TBL1XR1: variants seen among roughly 807,000 people sequenced by gnomAD.
TBL1XR1 encodes the protein F-box-like/WD repeat-containing protein TBL1XR1.
Under a neutral mutation model 66.9 loss-of-function variants are expected in TBL1XR1, and 5 were observed. The ratio of observed to expected loss-of-function variants is 0.07; its 90% CI spans 0.04 to 0.16. The LOEUF is 0.16. TBL1XR1 is among the 10% of genes least tolerant of loss of function. TBL1XR1 has a pLI of 1.00. For missense variants in TBL1XR1, 238 were observed against 623.2 expected (o/e 0.38, Z 6.58); for synonymous variants, 210 against 206.0 (o/e 1.02, Z -0.17).
At position 177,023,782 on chromosome 3, in the gene TBL1XR1, T is replaced by C. The variant is rs1437172739; in HGVS notation, c.*1716A>G. The stretch of plus-strand genomic sequence containing the variant: ...ATCAGTTTCTACTTAGAACACAGGT[T>C]AAAATTTTAGTACTAAAAGGCCTCA... On this transcript the variant is annotated 3_prime_UTR_variant, in exon 16 of 16. Coordinates refer to ENST00000457928, the MANE Select transcript of TBL1XR1 (RefSeq NM_024665.7). 4 of 152,468 alleles carry C rather than the reference T, an allele frequency of 2.6e-5. No homozygotes were observed. Among genetic ancestry groups the C allele is most frequent in the Admixed American group, 2.6e-4 (4 of 15,262 alleles). 9.4% of individuals were successfully genotyped at this position (152,468 alleles called of 1,614,324 possible). A position where few individuals can be genotyped will look rare whatever the true frequency, so the allele number is the denominator to read the frequency against.
chr3:177,048,506 G>A (rs145481201), intron 7 of TBL1XR1, among the ~76,000 whole-genome samples: 15 of 152,288 alleles, frequency 9.8e-5, no homozygotes, highest in African/African-American at 3.6e-4. Context: ...GGGAACTGCA[G>A]ACTCAATTCT....
intron 1 of TBL1XR1, among the ~76,000 whole-genome samples, chr3:177,135,301 C>T (rs1190353772): frequency 3.3e-5 from 2 of 60,546 alleles, no homozygotes; most frequent in Non-Finnish European, 6.9e-5. Context: ...CGCACAAGGC[C>T]GCACTCTGTG....
intron 1 of TBL1XR1, among the ~76,000 whole-genome samples, chr3:177,120,990 A>G (rs1726918300): frequency 6.6e-6 from 1 of 152,218 alleles, no homozygotes; most frequent in Non-Finnish European, 1.5e-5. Flanking sequence ...CTGAGATTTA[A>G]AGCTGTGTCA....
intron 1 of TBL1XR1, among the ~76,000 whole-genome samples, chr3:177,196,709 T>C (rs954704734): frequency 2.0e-5 from 3 of 147,148 alleles, no homozygotes; most frequent in African/African-American, 7.5e-5. Context: ...TTGATTCAAT[T>C]TGCTGCAAAT....
rs986950146 is a variant in TBL1XR1, at chr3:177,147,045, G to A, written c.-121-48504C>T. ...ACTGCTTCATCAAGGAGATTCCTAA[G>A]ACTTTTTTTTTTTTTTTAAGAGATG... On this transcript the variant is annotated intron_variant, in intron 1 of 15. Transcript: ENST00000457928. Among the ~76,000 whole-genome samples, 21 of 150,478 alleles carry A rather than the reference G, an allele frequency of 1.4e-4. No individual in the cohort carries two copies. The South Asian group carries it at 2.7e-3, about 20-fold the overall frequency.
At chr3:177,136,806 G>T (rs1226246605) in intron 1 of TBL1XR1, among the ~76,000 whole-genome samples, 1 of 152,110 alleles carries the variant, frequency 6.6e-6, no homozygotes, top group African/African-American at 2.4e-5. Flanking sequence ...GGCTGGTCCT[G>T]TCTTTTACTC....
At chr3:177,155,000 C>T (rs1731323385) in intron 1 of TBL1XR1, among the ~76,000 whole-genome samples, 1 of 152,034 alleles carries the variant, frequency 6.6e-6, no homozygotes, top group African/African-American at 2.4e-5. Flanking sequence ...ATCAGATAAA[C>T]ATATTCCTAA....
At chr3:177,135,338 CATATATATATATATATATATAT>C (rs1177634107) in intron 1 of TBL1XR1, among the ~76,000 whole-genome samples, 11 of 22,480 alleles carry the variant, frequency 4.9e-4, no homozygotes, top group East Asian at 2.9e-3. Flanking sequence ...TGTGTGTATA[CATATATATATATATATATATAT>C]ATATATATAT....
At chr3:177,180,571 G>T (rs535957393) in intron 1 of TBL1XR1, among the ~76,000 whole-genome samples, 1 of 151,880 alleles carries the variant, frequency 6.6e-6, no homozygotes. Flanking sequence ...TTTTAAAACC[G>T]AAAATCCTAT....
chr3:177,075,836 T>C (rs1285798403), intron 2 of TBL1XR1, among the ~76,000 whole-genome samples: 2 of 152,172 alleles, frequency 1.3e-5, no homozygotes, highest in Non-Finnish European at 2.9e-5. Context: ...CAGAAATTTA[T>C]TGTCTTATAG....
At chr3:177,179,048 T>C (rs1014318512) in intron 1 of TBL1XR1, among the ~76,000 whole-genome samples, 10 of 138,816 alleles carry the variant, frequency 7.2e-5, no homozygotes, top group African/African-American at 2.8e-4. Context: ...AGCCGGGAGG[T>C]GGCAATTGCA....
intron 1 of TBL1XR1, among the ~76,000 whole-genome samples, chr3:177,121,191 C>T (rs1457267638): frequency 6.6e-6 from 1 of 152,048 alleles, no homozygotes; most frequent in Non-Finnish European, 1.5e-5. Flanking sequence ...AGGAAACAAA[C>T]ATAAACTGAG....
At chr3:177,079,543 C>A (rs1054597186) in intron 2 of TBL1XR1, 2 of 151,512 alleles carry the variant, frequency 1.3e-5, no homozygotes, top group Admixed American at 6.6e-5. Flanking sequence ...ACAAATAATT[C>A]CTGTTATAAA....
At chr3:177,041,626 G>A (rs988482785) in intron 10 of TBL1XR1, among the ~76,000 whole-genome samples, 2 of 152,184 alleles carry the variant, frequency 1.3e-5, no homozygotes, top group African/African-American at 4.8e-5. Context: ...CTACTTGTGT[G>A]TATCACCATT....
At chr3:177,070,297 C>T (rs1719800479) in intron 2 of TBL1XR1, among the ~76,000 whole-genome samples, 1 of 152,112 alleles carries the variant, frequency 6.6e-6, no homozygotes, top group African/African-American at 2.4e-5. Context: ...TGATTATTTA[C>T]ACAGATTATA....
rs561676735 is a variant in TBL1XR1 at position 177,021,308 on chromosome 3, C to T, written c.*4190G>A. On this transcript the variant is annotated 3_prime_UTR_variant, in exon 16 of 16. Transcript: ENST00000457928. Reference sequence around the variant, plus strand: ...GATAAGTACATCAGACTAGATACAACATGCAGAATGTTTTCCTGAACTTAT... The same window carrying T: ...GATAAGTACATCAGACTAGATACAATATGCAGAATGTTTTCCTGAACTTAT... 1 of 151,506 alleles carries T rather than the reference C, an allele frequency of 6.6e-6. No individual in the cohort carries two copies. Among genetic ancestry groups the T allele is most frequent in the South Asian group, 2.1e-4 (1 of 4,798 alleles). 9.4% of individuals were successfully genotyped at this position (151,506 alleles called of 1,614,324 possible).
chr3:177,053,462 A>G (rs1007498837), intron 4 of TBL1XR1, among the ~76,000 whole-genome samples: 1 of 152,218 alleles, frequency 6.6e-6, no homozygotes, highest in African/African-American at 2.4e-5. Context: ...TAACGTGAGA[A>G]TTTACAATTT....
intron 2 of TBL1XR1, among the ~76,000 whole-genome samples, chr3:177,090,518 A>T (rs1339526930): frequency 7.1e-5 from 3 of 42,104 alleles, no homozygotes; most frequent in African/African-American, 2.5e-4. Flanking sequence ...TGTCTCTACT[A>T]AAAAAAAAAA....
chr3:177,195,465 C>G (rs1433103966), intron 1 of TBL1XR1: 1 of 54,950 alleles, frequency 1.8e-5, no homozygotes, highest in Non-Finnish European at 6.5e-5. Context: ...AACATACAAT[C>G]CCAGGAAGTC....
Sources: gnomAD v4.1 joint callset for allele counts (sites outside exome capture counted in the v4.1 genomes callset) on GRCh38, gnomAD v4.1.1 for gene constraint, MANE v1.5 for transcripts, NCBI Gene and HGNC (gene_info 2026-07-23, HGNC 2026-07-21) for gene names.